The following ADNP2 variants were observed in gnomAD, a reference collection of about 807,000 sequenced individuals.
ADNP2 encodes activity-dependent neuroprotector homeobox protein 2.
A neutral mutation model predicts 16.4 loss-of-function variants in ADNP2; 8 were observed. The ratio of observed to expected loss-of-function variants is 0.49; its 90% CI spans 0.29 to 0.88. ADNP2 has a LOEUF of 0.88. ADNP2 is among the 40% of genes least tolerant of loss of function. The pLI is 0.09. For missense variants in ADNP2, 1,397 were observed against 1,395.1 expected, an observed-to-expected ratio of 1.00 and a Z score of -0.02; for synonymous variants, 637 against 545.8, an observed-to-expected ratio of 1.17 and a Z score of -2.33.
In ADNP2 at chr18:80,137,365, C is replaced by T; in HGVS notation, c.1952C>T (p.Pro651Leu). Residue 651 changes from proline to leucine, a missense_variant, in exon 4 of 4, where the codon CCA becomes CTA. Pro to Leu is a moderately conservative substitution (Grantham distance 98, BLOSUM62 -3). Transcript: ENST00000262198. The surrounding 1 kb of genome is among the most constrained non-coding windows in gnomAD (Gnocchi z 4.2). ...IQLLPSGAAA[P>L]MAGSMPGMPS... is the part of the protein sequence containing the mutation. ...CTCCTGCCGTCAGGTGCAGCTGCAC[C>T]AATGGCCGGTTCCATGCCCGGCATG... The T allele has an allele frequency of 6.2e-7, 1 of 1,614,188 alleles. No individual in the cohort carries two copies. Among genetic ancestry groups the T allele is most frequent in the Non-Finnish European group, 8.5e-7 (1 of 1,180,040 alleles).
chr18:80,134,457 A>T (rs890351971), intron 3 of ADNP2, among the ~76,000 whole-genome samples: 1 of 151,088 alleles, frequency 6.6e-6, no homozygotes, highest in African/African-American at 2.4e-5. Flanking sequence ...TTAGGAAAGG[A>T]TGAGAATTAA....
chr18:80,136,579 T>C lies in ADNP2; in HGVS notation c.1166T>C (p.Val389Ala), dbSNP rs1267837724. ...GTCAATAAGTCTGTTGGAACTAGTG[T>C]CCTCCCCATAAATCAGACTGTTCGC... ...GPVNKSVGTSVLPINQTVRPG... is the reference protein window; with the variant it reads ...GPVNKSVGTSALPINQTVRPG... The change falls in exon 4 of 4, where the codon GTC becomes GCC. Residue 389 changes from valine to alanine, a missense_variant. Val to Ala is a moderately conservative substitution (Grantham distance 64). Coordinates refer to ENST00000262198, the MANE Select transcript of ADNP2 (RefSeq NM_014913.4). The C allele has an allele frequency of 4.3e-6, 7 of 1,614,156 alleles. No individual in the cohort carries two copies. Among genetic ancestry groups the C allele is most frequent in the Admixed American group, 1.7e-5 (1 of 60,028 alleles).
intron 1 of ADNP2, among the ~76,000 whole-genome samples, chr18:80,116,858 A>G (rs2052392642): frequency 6.6e-6 from 1 of 151,444 alleles, no homozygotes; most frequent in African/African-American, 2.4e-5. Flanking sequence ...CTGGTCTTCA[A>G]CTCCTGAGCT....
In ADNP2 at chr18:80,136,893, C is replaced by T; in HGVS notation, c.1480C>T (p.Pro494Ser). The change falls in exon 4 of 4, where the codon CCG becomes TCG. Residue 494 changes from proline to serine, a missense_variant. Transcript: ENST00000262198. ...AGTTCTCCCTGTGGGCCAGACAGCTCCGTCACGGGTTCTTCCCCCAGGCCA... is the reference window on the plus strand; with the variant it reads ...AGTTCTCCCTGTGGGCCAGACAGCTTCGTCACGGGTTCTTCCCCCAGGCCA... The part of the protein sequence containing the change: ...SGVLPVGQTA[P>S]SRVLPPGQTA... 6.2e-7 allele frequency: 1 copy of T among 1,613,966 alleles called. No homozygotes were observed. Among genetic ancestry groups the T allele is most frequent in the Admixed American group, 1.7e-5 (1 of 60,022 alleles).
chr18:80,122,978 C>T (rs1006510550), intron 2 of ADNP2, among the ~76,000 whole-genome samples: 2 of 151,852 alleles, frequency 1.3e-5, no homozygotes, highest in East Asian at 3.9e-4. Context: ...AGGAGAGTCC[C>T]TTCAATTCCT....
rs148260789 is a variant in ADNP2, at chr18:80,138,435, C to A, written c.3022C>A (p.Pro1008Thr). 6.2e-7 allele frequency: 1 copy of A among 1,613,798 alleles called. No homozygotes were observed. Among genetic ancestry groups the A allele is most frequent in the Admixed American group, 1.7e-5 (1 of 60,000 alleles). ...PILNADAAPG[P>T]EKVTSVVPFK... is the part of the protein sequence containing the mutation. ...CCTAAATGCCGATGCAGCCCCGGGT[C>A]CAGAAAAGGTGACGAGTGTTGTGCC... The change falls in exon 4 of 4, where the codon CCA becomes ACA. Residue 1008 changes from proline to threonine, a missense_variant. Coordinates refer to ENST00000262198, the MANE Select transcript of ADNP2 (RefSeq NM_014913.4).
intron 1 of ADNP2, among the ~76,000 whole-genome samples, 178 bp from the exon 2 acceptor site, chr18:80,117,352 G>A (rs1159978345): frequency 3.3e-5 from 5 of 152,056 alleles, no homozygotes; most frequent in Non-Finnish European, 1.5e-5. Flanking sequence ...GTTAATTTTT[G>A]TATATGGTGT....
At chr18:80,128,924 T>C (rs2145205790) in intron 2 of ADNP2, among the ~76,000 whole-genome samples, 1 of 152,236 alleles carries the variant, frequency 6.6e-6, no homozygotes, top group South Asian at 2.1e-4. Context: ...ACCATTAACA[T>C]CGTATTGTTA....
At position 80,138,994 on chromosome 18, in the gene ADNP2, ATTG is replaced by A. The variant is rs777213481; in HGVS notation, c.*188_*190del. ...GGAAGCCAGTAGTTATTTCACATCT[ATTG>A]TTTCCTGCAGTTTGATTTGTAACAG... On this transcript the variant is annotated 3_prime_UTR_variant, in exon 4 of 4. Coordinates refer to ENST00000262198, the MANE Select transcript of ADNP2 (RefSeq NM_014913.4). The A allele has an allele frequency of 9.5e-5, 45 of 473,480 alleles. No homozygotes were observed. Among genetic ancestry groups the A allele is most frequent in the Non-Finnish European group, 1.5e-4 (43 of 280,966 alleles). 29.3% of individuals were successfully genotyped at this position (473,480 alleles called of 1,614,324 possible). A position where few individuals can be genotyped will look rare whatever the true frequency, so the allele number is the denominator to read the frequency against.
At chr18:80,122,391 C>G (rs6506804) in intron 2 of ADNP2, among the ~76,000 whole-genome samples, 128,791 of 152,198 alleles carry the variant, frequency 0.85, 54,616 homozygotes, top group Non-Finnish European at 0.87. Flanking sequence ...AAAGAAGACT[C>G]TTAGAACTTT....
chr18:80,136,502 T>C lies in ADNP2; in HGVS notation c.1089T>C (p.Leu363=), dbSNP rs1427212837. Residue 363 remains leucine, a synonymous_variant, in exon 4 of 4, where the codon CTT becomes CTC. Coordinates refer to ENST00000262198, the MANE Select transcript of ADNP2 (RefSeq NM_014913.4). ...QPVFLSHGVP[L]HQSVNPPVLP... ...TCTTTCTTTCTCACGGGGTTCCACT[T>C]CATCAGTCTGTGAATCCTCCTGTGT... is the stretch of plus-strand genomic sequence containing the variant. 2.5e-6 allele frequency: 4 copies of C among 1,614,194 alleles called. No homozygotes were observed. The highest frequency in any genetic ancestry group is 1.1e-5 in the South Asian group (1 of 91,086).
At chr18:80,125,994 T>G in intron 2 of ADNP2, among the ~76,000 whole-genome samples, 1 of 152,172 alleles carries the variant, frequency 6.6e-6, no homozygotes, top group Non-Finnish European at 1.5e-5. Context: ...TTGCCAGTCC[T>G]TTTTATTTAA....
rs564277619 is a variant in ADNP2 at position 80,136,759 on chromosome 18, TTCCTGCAGGCCAGATGAC to T, written c.1374_1391del (p.Gln459_Gly464del). On this transcript the variant is annotated inframe_deletion, in exon 4 of 4. Coordinates refer to ENST00000262198, the MANE Select transcript of ADNP2 (RefSeq NM_014913.4). The stretch of plus-strand genomic sequence containing the variant: ...AGTCGGGCGGTCCCGTCTGGAGTCC[TTCCTGCAGGCCAGATGAC>T]TCCTGCAGGCCAGATGACTCCTGCA... The T allele has an allele frequency of 5.0e-3, 8,031 of 1,613,176 alleles. 52 individuals are homozygous for T. The highest frequency in any genetic ancestry group is 0.019 in the South Asian group (1,752 of 91,054).
At chr18:80,125,587 G>T (rs1335870159) in intron 2 of ADNP2, among the ~76,000 whole-genome samples, 1 of 152,038 alleles carries the variant, frequency 6.6e-6, no homozygotes. Context: ...AGCTTGCAGT[G>T]AGCCTAGAAT....
chr18:80,109,780 G>A (rs1290970776), intron 1 of ADNP2: 2 of 151,922 alleles, frequency 1.3e-5, no homozygotes, highest in African/African-American at 4.8e-5. Flanking sequence ...GGACCTGAGG[G>A]GAGAGTAGGA....
Position 80,136,990 on chromosome 18 carries a change from TCTC to T in ADNP2, c.1584_1586del (p.Ser529del), listed in dbSNP as rs1259177123. On this transcript the variant is annotated inframe_deletion, in exon 4 of 4. Coordinates refer to ENST00000262198, the MANE Select transcript of ADNP2 (RefSeq NM_014913.4). The stretch of plus-strand genomic sequence containing the variant: ...GGGCTTCTTTCTCCCAACCAGACAG[TCTC>T]CTCCTCAGCTGTTGTGCCTGTAAAC... 1.9e-6 allele frequency: 3 copies of T among 1,613,886 alleles called. No individual in the cohort carries two copies. Among genetic ancestry groups the T allele is most frequent in the African/African-American group, 2.7e-5 (2 of 74,874 alleles).
intron 1 of ADNP2, among the ~76,000 whole-genome samples, chr18:80,111,088 C>T (rs1456305136): frequency 1.3e-5 from 2 of 152,166 alleles, no homozygotes; most frequent in Non-Finnish European, 2.9e-5. Flanking sequence ...TGCCCTTCAT[C>T]CTCTGGCTAT....
At chr18:80,131,180 C>G (rs2052493664) in intron 2 of ADNP2, among the ~76,000 whole-genome samples, 1 of 152,072 alleles carries the variant, frequency 6.6e-6, no homozygotes, top group African/African-American at 2.4e-5. Flanking sequence ...GGTCTCGGCT[C>G]ATGCATTTCT....
rs1305269042 is a variant in ADNP2 at position 80,136,779 on chromosome 18, C to T, written c.1366C>T (p.Pro456Ser). 1 of 1,613,430 alleles carries T rather than the reference C, an allele frequency of 6.2e-7. No individual in the cohort carries two copies. The highest frequency in any genetic ancestry group is 8.5e-7 in the Non-Finnish European group (1 of 1,179,696). The change falls in exon 4 of 4, where the codon CCT becomes TCT. Residue 456 changes from proline (P) to serine (S), a missense_variant. This residue lies in a region of ADNP2 where 777 missense variants were observed against 719.4 expected (regional missense o/e 1.08). Coordinates refer to ENST00000262198, the MANE Select transcript of ADNP2 (RefSeq NM_014913.4). Reference sequence around the variant, plus strand: ...AGTCCTTCCTGCAGGCCAGATGACTCCTGCAGGCCAGATGACTCCTGCAGG... The same window carrying T: ...AGTCCTTCCTGCAGGCCAGATGACTTCTGCAGGCCAGATGACTCCTGCAGG... The part of the protein sequence containing the change: ...SGVLPAGQMT[P>S]AGQMTPAGVI...
Sources: gnomAD v4.1 joint callset for allele counts (sites outside exome capture counted in the v4.1 genomes callset) on GRCh38, gnomAD v4.1.1 for gene constraint, gnomAD v4.1.1 regional missense constraint, Gnocchi (gnomAD v3.1) non-coding constraint, MANE v1.5 for transcripts, NCBI Gene and HGNC (gene_info 2026-07-23, HGNC 2026-07-21) for gene names.